Variants in MYO1H observed in about 807,000 individuals in gnomAD.
MYO1H encodes unconventional myosin-Ih.
A neutral mutation model predicts 149.3 loss-of-function variants in MYO1H; 118 were observed. The observed-to-expected ratio is 0.79, with a 90% CI of 0.68 to 0.92. The LOEUF (loss-of-function observed/expected upper bound fraction) is 0.92, where lower values mean the gene tolerates loss of function less well. Ranked by LOEUF, MYO1H falls within the 40% of genes least tolerant of loss-of-function variation. The pLI is 0.00. For missense variants in MYO1H, 1,212 were observed against 1,280.7 expected, an observed-to-expected ratio of 0.95 and a Z score of 0.82; for synonymous variants, 447 against 465.2, an observed-to-expected ratio of 0.96 and a Z score of 0.50.
intron 1 of MYO1H, among the ~76,000 whole-genome samples, chr12:109,368,067 G>A (rs1377772507): frequency 6.6e-6 from 1 of 152,150 alleles, no homozygotes; most frequent in South Asian, 2.1e-4. Context: ...TCTCCAAATT[G>A]TCTTGACCTA....
intron 15 of MYO1H, among the ~76,000 whole-genome samples, chr12:109,418,474 C>T (rs764210724): frequency 6.6e-6 from 1 of 151,992 alleles, no homozygotes. Context: ...CTCAGCCTCC[C>T]GAGTAGCTGG....
intron 14 of MYO1H, 92 bp downstream of exon 14, chr12:109,412,077 A>G: frequency 1.3e-6 from 1 of 778,788 alleles, no homozygotes; most frequent in Non-Finnish European, 2.0e-6. Flanking sequence ...CAAGAGAACA[A>G]CTACTTCATA....
At chr12:109,403,283 A>T (rs148427319) in intron 6 of MYO1H, among the ~76,000 whole-genome samples, 1 of 152,336 alleles carries the variant, frequency 6.6e-6, no homozygotes, top group East Asian at 1.9e-4. Context: ...TTCACTAGGA[A>T]ATATTTTCAT....
At chr12:109,382,690 G>A (rs1212759057) in intron 1 of MYO1H, among the ~76,000 whole-genome samples, 2 of 151,778 alleles carry the variant, frequency 1.3e-5, no homozygotes, top group African/African-American at 4.8e-5. Flanking sequence ...AATGTTTTGT[G>A]ATTTACCTCG....
chr12:109,355,859 T>C (rs546250646), intron 1 of MYO1H, among the ~76,000 whole-genome samples: 10 of 148,062 alleles, frequency 6.8e-5, no homozygotes, highest in African/African-American at 2.5e-4. Flanking sequence ...AGGTGTGTGC[T>C]GCCACGCCCA....
chr12:109,442,369 A>G (rs2135603980), intron 27 of MYO1H, 97 bp downstream of exon 27: 1 of 1,045,950 alleles, frequency 9.6e-7, no homozygotes, highest in Non-Finnish European at 1.5e-6. Flanking sequence ...ATTTAAATGC[A>G]GGGGTGCAGC....
chr12:109,409,748 A>G, intron 11 of MYO1H, 124 bp downstream of exon 11: 1 of 887,416 alleles, frequency 1.1e-6, no homozygotes, highest in African/African-American at 1.7e-5. Context: ...CTAGATTTAC[A>G]TAGTTTCTAA....
the MYO1H span, among the ~76,000 whole-genome samples, chr12:109,334,391 G>C: frequency 3.3e-5 from 5 of 152,052 alleles, no homozygotes; most frequent in African/African-American, 1.2e-4. Context: ...GCTCAGGCTG[G>C]TCTTGAACTC....
intron 2 of MYO1H, among the ~76,000 whole-genome samples, chr12:109,392,735 C>T (rs949676894): frequency 1.3e-5 from 2 of 151,736 alleles, no homozygotes; most frequent in Non-Finnish European, 2.9e-5. Context: ...AAGACGACTT[C>T]CCCATGCCTG....
chr12:109,420,189 A>T (rs1218080111), intron 15 of MYO1H, among the ~76,000 whole-genome samples: 1 of 152,174 alleles, frequency 6.6e-6, no homozygotes, highest in Non-Finnish European at 1.5e-5. Flanking sequence ...TGCAATACTT[A>T]GTGTAAAGAC....
At chr12:109,375,340 A>T (rs1005568600) in intron 1 of MYO1H, among the ~76,000 whole-genome samples, 1 of 151,834 alleles carries the variant, frequency 6.6e-6, no homozygotes, top group Non-Finnish European at 1.5e-5. Flanking sequence ...TTTTGTAGAG[A>T]TGGGGTTTTG....
At chr12:109,349,330 G>T (rs1868404897) in intron 1 of MYO1H, among the ~76,000 whole-genome samples, 1 of 151,980 alleles carries the variant, frequency 6.6e-6, no homozygotes, top group Admixed American at 6.6e-5. Context: ...GATTCCTTTG[G>T]TAAAACATTA....
At chr12:109,380,076 G>A in intron 1 of MYO1H, among the ~76,000 whole-genome samples, 1 of 151,698 alleles carries the variant, frequency 6.6e-6, no homozygotes, top group Non-Finnish European at 1.5e-5. Flanking sequence ...TTTACTTTTT[G>A]TAGAGATACG....
At chr12:109,447,532 G>A (rs1872535706) in exon 32 of MYO1H, 1 of 401,758 alleles carries the variant, frequency 2.5e-6, no homozygotes, top group East Asian at 4.3e-5. Flanking sequence ...GAGACATGAT[G>A]AAATACTGTG....
At chr12:109,435,180 AT>A in intron 21 of MYO1H, 67 bp downstream of exon 21, 4 of 1,074,252 alleles carry the variant, frequency 3.7e-6, no homozygotes, top group Non-Finnish European at 5.5e-6. Context: ...TTGGGGGTAA[AT>A]CTTAAACACG....
chr12:109,341,273 G>C, the MYO1H span, among the ~76,000 whole-genome samples: 1 of 147,932 alleles, frequency 6.8e-6, no homozygotes, highest in African/African-American at 2.5e-5. Flanking sequence ...TCCAGAAATG[G>C]TAATATTGTC....
intron 1 of MYO1H, among the ~76,000 whole-genome samples, chr12:109,351,571 G>A (rs1592776555): frequency 6.6e-6 from 1 of 152,326 alleles, no homozygotes; most frequent in East Asian, 1.9e-4. Flanking sequence ...TTTCTAAAGA[G>A]ATTGTAAATT....
the MYO1H span, among the ~76,000 whole-genome samples, chr12:109,322,048 T>G: frequency 6.6e-6 from 1 of 152,062 alleles, no homozygotes; most frequent in Admixed American, 6.6e-5. Flanking sequence ...TATCTATCCT[T>G]GGGGAAGTGG....
intron 16 of MYO1H, among the ~76,000 whole-genome samples, chr12:109,424,270 C>T (rs1250958695): frequency 6.6e-6 from 1 of 152,152 alleles, no homozygotes; most frequent in East Asian, 1.9e-4. Flanking sequence ...AAGTGATCCT[C>T]CTACCTCAGC....
Sources: gnomAD v4.1 joint callset for allele counts (sites outside exome capture counted in the v4.1 genomes callset) on GRCh38, gnomAD v4.1.1 for gene constraint, MANE v1.5 for transcripts, NCBI Gene and HGNC (gene_info 2026-07-23, HGNC 2026-07-21) for gene names.